LARGE1: variants seen among roughly 807,000 people sequenced by gnomAD.
LARGE1 encodes the protein xylosyl- and glucuronyltransferase LARGE1.
LARGE1 carries 43 observed loss-of-function variants against 87.6 expected under a neutral mutation model. The observed-to-expected ratio is 0.49, with a 90% confidence interval of 0.38 to 0.63. LARGE1 has a LOEUF of 0.63. Among genes scored for constraint, LARGE1 ranks in the 30% least tolerant of loss-of-function variants. The pLI, the probability that LARGE1 is intolerant of heterozygous loss-of-function variation, is 0.00. For synonymous variants in LARGE1, 434 were observed against 394.6 expected (o/e 1.10, Z -1.18); for missense variants, 802 against 1,000.2 (o/e 0.80, Z 2.67).
chr22:33,151,287 T>G, the LARGE1 span, among the ~76,000 whole-genome samples: 2 of 152,178 alleles, frequency 1.3e-5, no homozygotes. Context: ...TTCATTTGTG[T>G]GTGTGTGTTG....
chr22:33,605,986 C>A (rs1360179102), intron 4 of LARGE1, among the ~76,000 whole-genome samples: 1 of 152,092 alleles, frequency 6.6e-6, no homozygotes, highest in Non-Finnish European at 1.5e-5. Flanking sequence ...GGGATGCAAT[C>A]TGAGGAGAGC....
intron 6 of LARGE1, among the ~76,000 whole-genome samples, chr22:33,546,428 G>T (rs2077362052): frequency 6.6e-6 from 1 of 151,376 alleles, no homozygotes; most frequent in Non-Finnish European, 1.5e-5. Flanking sequence ...GTCTTTCCCA[G>T]GTTCCGAAAT....
intron 2 of LARGE1, chr22:33,750,512 T>G (rs2084273631): frequency 6.6e-6 from 1 of 152,206 alleles, no homozygotes; most frequent in Non-Finnish European, 1.5e-5. Context: ...CAGTTTCCAT[T>G]ATTGTTATAG....
At chr22:33,296,923 C>T (rs567753686) in intron 12 of LARGE1, among the ~76,000 whole-genome samples, 8 of 152,146 alleles carry the variant, frequency 5.3e-5, no homozygotes, top group African/African-American at 1.2e-4. Context: ...TTAGCCTGAA[C>T]GTCCTCATTT....
intron 9 of LARGE1, among the ~76,000 whole-genome samples, chr22:33,350,583 C>T (rs1440998915): frequency 2.6e-5 from 4 of 152,114 alleles, no homozygotes; most frequent in East Asian, 3.9e-4. Flanking sequence ...GCTTGAGTCC[C>T]GTGGGATGTT....
chr22:33,623,439 AC>A (rs2079818397), intron 4 of LARGE1, among the ~76,000 whole-genome samples: 1 of 152,094 alleles, frequency 6.6e-6, no homozygotes, highest in Non-Finnish European at 1.5e-5. Context: ...CATAATTCCA[AC>A]TGGACAGCGC....
intron 9 of LARGE1, among the ~76,000 whole-genome samples, chr22:33,364,056 T>TAC: frequency 8.1e-6 from 1 of 123,166 alleles, no homozygotes; most frequent in Middle Eastern, 4.0e-3. Context: ...ATCTTTGCTA[T>TAC]ATATTTTTTT....
In LARGE1 at chr22:33,236,430, A is replaced by G. The variant is rs997414059; in HGVS notation, c.1730+67799T>C. Among the ~76,000 whole-genome samples the G allele has an allele frequency of 4.7e-4, 71 of 152,164 alleles. 1 individual carries two copies. The highest frequency in any genetic ancestry group is 4.6e-3 in the Admixed American group (71 of 15,286). On this transcript the variant is annotated intron_variant, in intron 11 of 11. Transcript: ENST00000608642. ...TGGTTTCATTTTTCTTTGGAAATTC[A>G]TATGTTCTGTTTCTGTTCATGACTG...
chr22:33,293,276 T>C (rs1192009780), intron 12 of LARGE1, among the ~76,000 whole-genome samples: 3 of 152,242 alleles, frequency 2.0e-5, no homozygotes, highest in African/African-American at 7.2e-5. Flanking sequence ...TTACATGCAT[T>C]GAGTTTCAAG....
intron 11 of LARGE1, among the ~76,000 whole-genome samples, chr22:33,260,710 G>C (rs1010520452): frequency 6.6e-6 from 1 of 152,284 alleles, no homozygotes. Flanking sequence ...AGTCACGCAG[G>C]AATCTTGAGA....
At chr22:33,617,985 C>T (rs2079629609) in intron 4 of LARGE1, among the ~76,000 whole-genome samples, 1 of 152,182 alleles carries the variant, frequency 6.6e-6, no homozygotes, top group Non-Finnish European at 1.5e-5. Flanking sequence ...AATCTAGGGC[C>T]TGTTTTCATT....
chr22:33,544,424 C>T (rs530508535), intron 6 of LARGE1, among the ~76,000 whole-genome samples: 42 of 152,226 alleles, frequency 2.8e-4, no homozygotes, highest in Admixed American at 1.2e-3. Context: ...CGGTGGCTCA[C>T]GCCTGTAATC....
At chr22:33,737,087 C>A (rs2083682730) in intron 2 of LARGE1, among the ~76,000 whole-genome samples, 1 of 152,132 alleles carries the variant, frequency 6.6e-6, no homozygotes, top group African/African-American at 2.4e-5. Context: ...ACTGTGGCAC[C>A]CCCACGTAAA....
intron 1 of LARGE1, among the ~76,000 whole-genome samples, chr22:33,821,971 A>T (rs1398440319): frequency 1.1e-4 from 10 of 92,506 alleles, no homozygotes; most frequent in East Asian, 3.2e-4. Context: ...TTTTTTTTTT[A>T]AAGAGCTGTT....
At chr22:33,312,620 A>T (rs1469450147) in intron 11 of LARGE1, among the ~76,000 whole-genome samples, 1 of 152,148 alleles carries the variant, frequency 6.6e-6, no homozygotes, top group African/African-American at 2.4e-5. Flanking sequence ...ATTGACTCAG[A>T]ATATTTTGCT....
intron 11 of LARGE1, among the ~76,000 whole-genome samples, chr22:33,191,638 T>C (rs1045257150): frequency 6.6e-6 from 1 of 152,232 alleles, no homozygotes; most frequent in Non-Finnish European, 1.5e-5. Context: ...TGTTGAAATG[T>C]TGGCCAGTGG....
chr22:33,831,085 AT>A (rs1030691533), intron 1 of LARGE1, among the ~76,000 whole-genome samples: 9 of 146,372 alleles, frequency 6.1e-5, no homozygotes, highest in African/African-American at 1.8e-4. Context: ...AGCAGATATT[AT>A]TTTTTTCTTT....
chr22:33,469,513 A>C (rs2068745345), intron 6 of LARGE1, among the ~76,000 whole-genome samples: 2 of 152,164 alleles, frequency 1.3e-5, no homozygotes, highest in African/African-American at 4.8e-5. Context: ...AACTAGGCCC[A>C]CTTGGGTGTG....
downstream of LARGE1, among the ~76,000 whole-genome samples, chr22:33,270,981 G>T (rs1488335928): frequency 1.3e-5 from 2 of 152,186 alleles, no homozygotes; most frequent in African/African-American, 4.8e-5. Flanking sequence ...AACAACCCAG[G>T]AGAAGCATTC....
Sources: gnomAD v4.1 joint callset for allele counts (sites outside exome capture counted in the v4.1 genomes callset) on GRCh38, gnomAD v4.1.1 for gene constraint, MANE v1.5 for transcripts, NCBI Gene and HGNC (gene_info 2026-07-23, HGNC 2026-07-21) for gene names.